The following DDX6 variants were observed in gnomAD, a reference collection of about 807,000 sequenced individuals.
DDX6 encodes probable ATP-dependent RNA helicase DDX6.
DDX6 carries 7 observed loss-of-function variants against 60.6 expected under a neutral mutation model. The observed-to-expected ratio is 0.12, with a 90% confidence interval of 0.07 to 0.22. DDX6 has a LOEUF of 0.22. DDX6 is among the 10% of genes least tolerant of loss of function. The pLI, the probability that DDX6 is intolerant of heterozygous loss-of-function variation, is 1.00. For missense variants in DDX6, 270 were observed against 589.9 expected (o/e 0.46, Z 5.62); for synonymous variants, 207 against 201.0 (o/e 1.03, Z -0.25).
intron 8 of DDX6, among the ~76,000 whole-genome samples, chr11:118,759,578 G>T (rs573441507): frequency 2.6e-5 from 4 of 152,094 alleles, no homozygotes; most frequent in Non-Finnish European, 5.9e-5. Context: ...GGCTCAAAAG[G>T]TTTCAAATTC....
chr11:118,782,296 CT>C (rs1365533116), intron 2 of DDX6, among the ~76,000 whole-genome samples: 1 of 152,012 alleles, frequency 6.6e-6, no homozygotes, highest in Admixed American at 6.6e-5. Context: ...CTTAATCTTT[CT>C]TTTTTATTGG....
At chr11:118,782,198 AG>A (rs1472849757) in intron 2 of DDX6, among the ~76,000 whole-genome samples, 1 of 152,232 alleles carries the variant, frequency 6.6e-6, no homozygotes, top group African/African-American at 2.4e-5. Context: ...AAAACAAAAT[AG>A]GTTAACAGTT....
At chr11:118,769,962 C>A (rs1168616556) in intron 4 of DDX6, among the ~76,000 whole-genome samples, 1 of 152,078 alleles carries the variant, frequency 6.6e-6, no homozygotes, top group African/African-American at 2.4e-5. Flanking sequence ...CCCGCTTTGG[C>A]CTCCCAAAGT....
chr11:118,771,455 T>C (rs918221141), intron 4 of DDX6, among the ~76,000 whole-genome samples: 3 of 152,204 alleles, frequency 2.0e-5, no homozygotes, highest in African/African-American at 4.8e-5. Context: ...CCCTGATATT[T>C]TGCCTTATAT....
At chr11:118,772,167 A>T (rs538761166) in intron 4 of DDX6, among the ~76,000 whole-genome samples, 2 of 152,338 alleles carry the variant, frequency 1.3e-5, no homozygotes, top group East Asian at 3.9e-4. Context: ...GACGGATGAC[A>T]GTTGAGATCA....
intron 13 of DDX6, among the ~76,000 whole-genome samples, chr11:118,753,329 C>T (rs1361656862): frequency 7.0e-6 from 1 of 143,026 alleles, no homozygotes; most frequent in African/African-American, 2.6e-5. Context: ...TGAGCCAGCC[C>T]AAGTGGCTTT....
chr11:118,775,394 TTTTTTTACTAGGGGATCTGTAAA>T (rs1159944172), intron 4 of DDX6, among the ~76,000 whole-genome samples: 1 of 152,116 alleles, frequency 6.6e-6, no homozygotes, highest in Admixed American at 6.6e-5. Flanking sequence ...ATTTAAAAAA[TTTTTTTACTAGGGGATCTGTAAA>T]TTTTGTTTCG....
In DDX6 at chr11:118,749,602, T is replaced by C. The variant is rs1388379394; in HGVS notation, c.*2503A>G. ...CCCACAGGCATGTGGCACCACGCAGTCTAAAGTTGGTGAAGGAGACTGCAC... is the reference window on the plus strand; with the variant it reads ...CCCACAGGCATGTGGCACCACGCAGCCTAAAGTTGGTGAAGGAGACTGCAC... On this transcript the variant is annotated 3_prime_UTR_variant, in exon 14 of 14. Transcript: ENST00000534980. 6.6e-6 allele frequency: 1 copy of C among 152,636 alleles called. No homozygotes were observed. Among genetic ancestry groups the C allele is most frequent in the Non-Finnish European group, 1.5e-5 (1 of 68,032 alleles). The allele number at this position is 152,636 out of a possible 1,614,324, so 9.5% of individuals were successfully genotyped here.
intron 5 of DDX6, among the ~76,000 whole-genome samples, chr11:118,765,880 T>C (rs1232312554): frequency 6.7e-6 from 1 of 150,120 alleles, no homozygotes; most frequent in African/African-American, 2.5e-5. Flanking sequence ...AGGCCGGGAG[T>C]TTGAGACCAG....
intron 4 of DDX6, among the ~76,000 whole-genome samples, chr11:118,779,065 A>G (rs1861797701): frequency 6.7e-6 from 1 of 149,090 alleles, no homozygotes; most frequent in Non-Finnish European, 1.5e-5. Context: ...CTGACGCAGG[A>G]GGATCACTTG....
intron 1 of DDX6, chr11:118,790,164 A>C (rs1027155924): frequency 6.6e-6 from 1 of 152,136 alleles, no homozygotes; most frequent in Non-Finnish European, 1.5e-5. Flanking sequence ...GCTGAGGAAG[A>C]GAAAGGAGAG....
At chr11:118,771,842 G>A (rs1242628166) in intron 4 of DDX6, among the ~76,000 whole-genome samples, 1 of 152,232 alleles carries the variant, frequency 6.6e-6, no homozygotes, top group Non-Finnish European at 1.5e-5. Context: ...TACACTGCTA[G>A]TGGGAATGTA....
intron 13 of DDX6, 120 bp from the exon 14 acceptor site, chr11:118,752,217 A>C (rs1238938653): frequency 1.3e-5 from 2 of 158,336 alleles, no homozygotes; most frequent in African/African-American, 4.8e-5. Context: ...CCCTGTGCCT[A>C]CTATAGAATC....
intron 9 of DDX6, among the ~76,000 whole-genome samples, chr11:118,757,922 A>G (rs904827933): frequency 2.0e-5 from 3 of 152,054 alleles, no homozygotes; most frequent in African/African-American, 7.2e-5. Flanking sequence ...CTCACAACCA[A>G]TGCCACCAGC....
At chr11:118,790,454 T>C (rs956098399) in intron 1 of DDX6, 1 of 152,116 alleles carries the variant, frequency 6.6e-6, no homozygotes, top group Non-Finnish European at 1.5e-5. Context: ...TACCCTCTTG[T>C]TATTGACCCG....
rs550904698 is a variant in DDX6, at chr11:118,778,746, T to C, written c.369+886A>G. Reference sequence around the variant, plus strand: ...ATTAACATCACCAAAGAGGAATAAATGGACACTAGGCACACCTTCAAACAT... The same window carrying C: ...ATTAACATCACCAAAGAGGAATAAACGGACACTAGGCACACCTTCAAACAT... On this transcript the variant is annotated intron_variant, in intron 4 of 13. Transcript: ENST00000534980. Among the ~76,000 whole-genome samples, 5 of 152,202 alleles carry C rather than the reference T, an allele frequency of 3.3e-5. No homozygotes were observed. In the South Asian group the frequency reaches 8.3e-4, roughly 25 times the overall value.
intron 9 of DDX6, among the ~76,000 whole-genome samples, chr11:118,757,850 C>T (rs190611345): frequency 6.2e-4 from 94 of 152,260 alleles, no homozygotes; most frequent in African/African-American, 2.2e-3. Context: ...TTCGGCTTCC[C>T]AAAGTGCTGG....
chr11:118,779,701 A>G lies in DDX6; in HGVS notation c.300T>C (p.Asp100=). Residue 100 remains aspartate (D), a synonymous_variant, in exon 4 of 14, where the codon GAT becomes GAC. Transcript: ENST00000534980. ...VTSTKGNEFE[D]YCLKRELLMG... ...TCAGTAACTCCCGTTTCAAACAGTA[A>G]TCTTCAAACTCATTTCCTTTTGTGG... The G allele has an allele frequency of 6.2e-7, 1 of 1,611,886 alleles. No individual in the cohort carries two copies. The highest frequency in any genetic ancestry group is 8.5e-7 in the Non-Finnish European group (1 of 1,178,836).
At chr11:118,785,896 T>C (rs1394490228) in intron 2 of DDX6, 156 bp downstream of exon 2, 3 of 606,036 alleles carry the variant, frequency 5.0e-6, no homozygotes, top group Non-Finnish European at 5.5e-6. Context: ...TATATTATTC[T>C]ATTGCAAATA....
Sources: allele counts gnomAD v4.1 joint callset (sites outside exome capture counted in the v4.1 genomes callset), GRCh38; gene constraint gnomAD v4.1.1; transcripts MANE v1.5; gene names NCBI Gene and HGNC (gene_info 2026-07-23, HGNC 2026-07-21).